CCDC192: variants seen among roughly 807,000 people sequenced by gnomAD.
CCDC192 encodes coiled-coil domain containing 192.
chr5:127,940,293 ATGAATC>A (rs1181792459), intron 6 of CCDC192: 1 of 152,184 alleles, frequency 6.6e-6, no homozygotes, highest in Non-Finnish European at 1.5e-5. Context: ...CCTAAAAGAA[ATGAATC>A]TGTATGGGAA....
chr5:127,924,439 T>G (rs1753811682), intron 6 of CCDC192, among the ~76,000 whole-genome samples: 1 of 152,186 alleles, frequency 6.6e-6, no homozygotes, highest in Non-Finnish European at 1.5e-5. Context: ...GTGCTGCCAA[T>G]TCCTAAGATT....
rs59545987 is a variant in CCDC192 at position 127,939,110 on chromosome 5, C to CTTTTT, written c.536-2051_536-2047dup. ...TTATGAAAGGCACTCAAACCAACAT[C>CTTTTT]TTTTTTTTTTTTTTTTTTTTTTTTT... On this transcript the variant is annotated intron_variant, in intron 6 of 6. Coordinates refer to ENST00000514853, the MANE Select transcript of CCDC192 (RefSeq NM_001317938.2). Among the ~76,000 whole-genome samples the CTTTTT allele has an allele frequency of 2.2e-3, 187 of 83,640 alleles. 7 individuals carry two copies. Among genetic ancestry groups the CTTTTT allele is most frequent in the African/African-American group, 4.5e-3 (103 of 23,054 alleles). 54.9% of individuals were successfully genotyped at this position (83,640 alleles called of 152,430 possible).
intron 5 of CCDC192, among the ~76,000 whole-genome samples, chr5:127,823,156 T>A (rs1158860632): frequency 2.0e-5 from 3 of 152,230 alleles, no homozygotes; most frequent in African/African-American, 7.2e-5. Context: ...CTCCTCTGAG[T>A]ACTTGCTGAC....
chr5:127,747,863 G>A (rs373393981), intron 2 of CCDC192, among the ~76,000 whole-genome samples: 4 of 148,804 alleles, frequency 2.7e-5, no homozygotes, highest in African/African-American at 4.9e-5. Flanking sequence ...GCCAGTGATG[G>A]TGAGCATTTT....
At chr5:127,751,261 C>T (rs1197243074) in intron 2 of CCDC192, among the ~76,000 whole-genome samples, 2 of 151,906 alleles carry the variant, frequency 1.3e-5, no homozygotes, top group African/African-American at 4.8e-5. Flanking sequence ...ACCAGTTGTT[C>T]CTTTCCATGT....
chr5:127,719,430 T>TAC (rs1160348806), intron 2 of CCDC192, among the ~76,000 whole-genome samples: 24 of 142,230 alleles, frequency 1.7e-4, no homozygotes, highest in African/African-American at 3.5e-4. Context: ...TATATATATA[T>TAC]ACACACACAT....
chr5:127,829,968 T>G (rs759653430), intron 5 of CCDC192, among the ~76,000 whole-genome samples: 2 of 152,188 alleles, frequency 1.3e-5, no homozygotes, highest in Non-Finnish European at 2.9e-5. Context: ...AAATTTGCAT[T>G]GTGAAATGGA....
At chr5:127,755,502 A>G (rs910671441) in intron 3 of CCDC192, among the ~76,000 whole-genome samples, 2 of 151,822 alleles carry the variant, frequency 1.3e-5, no homozygotes, top group African/African-American at 4.8e-5. Flanking sequence ...GGCTTGTGTC[A>G]ATTAATAAAA....
intron 5 of CCDC192, among the ~76,000 whole-genome samples, chr5:127,801,391 C>G (rs756449624): frequency 2.6e-5 from 4 of 152,042 alleles, no homozygotes; most frequent in Non-Finnish European, 5.9e-5. Flanking sequence ...GACCTGACCT[C>G]TATAAGAGTC....
At chr5:127,743,322 C>T (rs962023878) in intron 2 of CCDC192, among the ~76,000 whole-genome samples, 1 of 152,194 alleles carries the variant, frequency 6.6e-6, no homozygotes, top group African/African-American at 2.4e-5. Context: ...GCTTCACCAA[C>T]CTTTGTTGGT....
At chr5:127,788,921 A>G (rs1205680381) in intron 3 of CCDC192, among the ~76,000 whole-genome samples, 5 of 152,214 alleles carry the variant, frequency 3.3e-5, no homozygotes, top group African/African-American at 1.2e-4. Flanking sequence ...TGGAATCCTC[A>G]TGATGGAATT....
At position 127,932,396 on chromosome 5, in the gene CCDC192, G is replaced by T. The variant is rs899798218; in HGVS notation, c.536-8786G>T. 4.6e-5 allele frequency among the ~76,000 whole-genome samples: 7 copies of T among 151,946 alleles called. No individual in the cohort carries two copies. In the East Asian group the frequency reaches 1.4e-3, roughly 30 times the overall value. ...ATTTTGTATTTTTAGTAGAGACAGG[G>T]TTTCTCCATGTTGGTCAGGCTGGTC... On this transcript the variant is annotated intron_variant, in intron 6 of 6. Transcript: ENST00000514853.
chr5:127,889,640 G>C (rs1441552921), intron 6 of CCDC192, among the ~76,000 whole-genome samples: 1 of 152,142 alleles, frequency 6.6e-6, no homozygotes, highest in South Asian at 2.1e-4. Context: ...GACCTCAGGT[G>C]ATCCACCCAC....
At chr5:127,772,491 A>G (rs932901516) in intron 3 of CCDC192, among the ~76,000 whole-genome samples, 2 of 151,576 alleles carry the variant, frequency 1.3e-5, no homozygotes, top group African/African-American at 4.8e-5. Flanking sequence ...AAAGTCACCA[A>G]GATCCTTTGC....
chr5:127,708,170 A>G (rs1751079394), intron 2 of CCDC192, among the ~76,000 whole-genome samples: 1 of 152,234 alleles, frequency 6.6e-6, no homozygotes, highest in African/African-American at 2.4e-5. Flanking sequence ...TGGTTTAGCT[A>G]GACTGAGGTT....
At chr5:127,749,341 A>G (rs556051525) in intron 2 of CCDC192, among the ~76,000 whole-genome samples, 1 of 152,272 alleles carries the variant, frequency 6.6e-6, no homozygotes, top group African/African-American at 2.4e-5. Context: ...GAATTTTGTC[A>G]AAGGCCTTTT....
intron 5 of CCDC192, among the ~76,000 whole-genome samples, chr5:127,812,155 T>A (rs1758117451): frequency 6.6e-6 from 1 of 152,168 alleles, no homozygotes; most frequent in Admixed American, 6.5e-5. Context: ...ATAAAATCCT[T>A]AGACTGGTAC....
At chr5:127,870,397 T>TAAAACA (rs1048616035) in intron 5 of CCDC192, among the ~76,000 whole-genome samples, 2 of 152,214 alleles carry the variant, frequency 1.3e-5, no homozygotes, top group African/African-American at 4.8e-5. Context: ...TTAAGTAACT[T>TAAAACA]AAAACAAAAA....
intron 5 of CCDC192, among the ~76,000 whole-genome samples, chr5:127,863,883 G>A (rs1382509539): frequency 1.3e-5 from 2 of 152,194 alleles, no homozygotes; most frequent in African/African-American, 2.4e-5. Flanking sequence ...AAATTAAGGA[G>A]CATATTATTC....
Sources: gnomAD v4.1 joint callset for allele counts (sites outside exome capture counted in the v4.1 genomes callset) on GRCh38, gnomAD v4.1.1 for gene constraint, MANE v1.5 for transcripts, NCBI Gene and HGNC (gene_info 2026-07-23, HGNC 2026-07-21) for gene names.